CCSER1: variants seen among roughly 807,000 people sequenced by gnomAD.
The protein encoded by CCSER1 is coiled-coil serine rich protein 1, also known as serine-rich coiled-coil domain-containing protein 1.
In CCSER1, 41 loss-of-function variants were observed where a neutral mutation model predicts 82.0. The observed-to-expected ratio is 0.50, with a 90% CI of 0.39 to 0.65. CCSER1 has a LOEUF of 0.65. CCSER1 is among the 30% of genes least tolerant of loss of function. The probability of loss-of-function intolerance (pLI) is 0.00; values close to 1 mark genes in which losing one functional copy is unlikely to be tolerated. For missense variants in CCSER1, 1,119 were observed against 1,064.2 expected, an observed-to-expected ratio of 1.05 and a Z score of -0.72; for synonymous variants, 414 against 383.9, an observed-to-expected ratio of 1.08 and a Z score of -0.92.
intron 10 of CCSER1, among the ~76,000 whole-genome samples, chr4:91,508,697 A>C (rs1759664358): frequency 6.6e-6 from 1 of 151,846 alleles, no homozygotes; most frequent in South Asian, 2.1e-4. Context: ...TCTTCTTAGA[A>C]TATTTCAATG....
At chr4:91,414,404 T>C (rs1753233077) in intron 10 of CCSER1, among the ~76,000 whole-genome samples, 1 of 152,032 alleles carries the variant, frequency 6.6e-6, no homozygotes, top group Non-Finnish European at 1.5e-5. Context: ...CAATGGTGAC[T>C]GTAAGGAAAA....
chr4:91,273,738 G>C (rs1165042610), intron 10 of CCSER1, among the ~76,000 whole-genome samples: 1 of 152,094 alleles, frequency 6.6e-6, no homozygotes, highest in East Asian at 1.9e-4. Flanking sequence ...TTGGCTGTGG[G>C]TTTGTCATAG....
intron 10 of CCSER1, among the ~76,000 whole-genome samples, chr4:91,375,946 ATAAATTCCAAACAAAT>A (rs1750379829): frequency 6.6e-6 from 1 of 152,114 alleles, no homozygotes; most frequent in African/African-American, 2.4e-5. Context: ...TAAAATCAGA[ATAAATTCCAAACAAAT>A]TATAAATTAC....
intron 3 of CCSER1, among the ~76,000 whole-genome samples, chr4:90,339,904 A>T (rs1314969791): frequency 6.6e-6 from 1 of 150,602 alleles, no homozygotes; most frequent in African/African-American, 2.4e-5. Context: ...GTACTATTTT[A>T]TATATATATA....
At chr4:90,256,466 G>A (rs1456425016) in intron 1 of CCSER1, among the ~76,000 whole-genome samples, 1 of 152,098 alleles carries the variant, frequency 6.6e-6, no homozygotes, top group Non-Finnish European at 1.5e-5. Flanking sequence ...GTTTTTAAGT[G>A]TTGATTCTGA....
At position 90,376,841 on chromosome 4, in the gene CCSER1, G is replaced by T. The variant is rs79921392; in HGVS notation, c.1510-23195G>T. On this transcript the variant is annotated intron_variant, in intron 3 of 10. Coordinates refer to ENST00000509176, the MANE Select transcript of CCSER1 (RefSeq NM_001145065.2). ...CATACTTCACTTCTTGCAAGCAGAG[G>T]CACTCACATAATATTTTTAAGGATA... is the stretch of plus-strand genomic sequence containing the variant. 5.2e-3 allele frequency among the ~76,000 whole-genome samples: 785 copies of T among 152,186 alleles called. 10 individuals carry two copies. The highest frequency in any genetic ancestry group is 0.018 in the African/African-American group (753 of 41,532).
chr4:90,749,831 G>A (rs1341391750), intron 7 of CCSER1, among the ~76,000 whole-genome samples: 1 of 151,650 alleles, frequency 6.6e-6, no homozygotes, highest in Non-Finnish European at 1.5e-5. Context: ...TGGGTCAAAT[G>A]GTATTTCTAG....
chr4:90,655,733 G>C (rs927696402), intron 6 of CCSER1, among the ~76,000 whole-genome samples: 2 of 151,930 alleles, frequency 1.3e-5, no homozygotes, highest in African/African-American at 4.8e-5. Context: ...TATAGCTTTA[G>C]TAAACATGTA....
At chr4:91,311,254 T>C (rs1560582364) in intron 10 of CCSER1, among the ~76,000 whole-genome samples, 1 of 151,934 alleles carries the variant, frequency 6.6e-6, no homozygotes, top group Non-Finnish European at 1.5e-5. Context: ...GCTGTGCATA[T>C]GTCTGCTTTA....
intron 5 of CCSER1, among the ~76,000 whole-genome samples, chr4:90,577,154 T>C (rs1709520564): frequency 6.6e-6 from 1 of 152,170 alleles, no homozygotes. Context: ...TGCTTATTTC[T>C]TGTCTGTATA....
At chr4:90,148,021 T>G (rs1726136459) in intron 1 of CCSER1, among the ~76,000 whole-genome samples, 1 of 152,096 alleles carries the variant, frequency 6.6e-6, no homozygotes, top group South Asian at 2.1e-4. Context: ...AAAAATTAGC[T>G]GGGCATGGTA....
chr4:90,296,883 T>G lies in CCSER1; in HGVS notation c.-41-11361T>G, dbSNP rs941120238. ...GTTTTGGTACCAGTACCATGCTGTTTTGGTTACTGTAGCCTTGTAGTATAG... is the reference window on the plus strand; with the variant it reads ...GTTTTGGTACCAGTACCATGCTGTTGTGGTTACTGTAGCCTTGTAGTATAG... On this transcript the variant is annotated intron_variant, in intron 1 of 10. Coordinates refer to ENST00000509176, the MANE Select transcript of CCSER1 (RefSeq NM_001145065.2). Among the ~76,000 whole-genome samples the G allele has an allele frequency of 2.0e-3, 299 of 152,300 alleles. 1 individual carries two copies. Among genetic ancestry groups the G allele is most frequent in the Middle Eastern group, 3.4e-3 (1 of 294 alleles).
At position 91,382,623 on chromosome 4, in the gene CCSER1, G is replaced by A. The variant is rs145819122; in HGVS notation, c.2218-215949G>A. ...CATCTGCCACAGCTTCCCTTGGCTAGGAAAGGGAATTCCCTGACCCATTGC... is the reference window on the plus strand; with the variant it reads ...CATCTGCCACAGCTTCCCTTGGCTAAGAAAGGGAATTCCCTGACCCATTGC... On this transcript the variant is annotated intron_variant, in intron 10 of 10. Transcript: ENST00000509176. Among the ~76,000 whole-genome samples, 837 of 152,260 alleles carry A rather than the reference G, an allele frequency of 5.5e-3. 6 individuals are homozygous for A. The highest frequency in any genetic ancestry group is 0.019 in the African/African-American group (807 of 41,550).
At chr4:90,726,964 A>C (rs546194075) in intron 7 of CCSER1, among the ~76,000 whole-genome samples, 2 of 152,206 alleles carry the variant, frequency 1.3e-5, no homozygotes, top group East Asian at 3.9e-4. Context: ...AATGCATTTG[A>C]CTGTATTCTT....
In CCSER1 at chr4:90,198,759, A is replaced by G. The variant is rs1342393490; in HGVS notation, c.-42+70928A>G. ...AATGTGCAAACCCATCCGTCCAAAAAGAGCACCTTCTTTGAAAAAAGTGAT... is the reference window on the plus strand; with the variant it reads ...AATGTGCAAACCCATCCGTCCAAAAGGAGCACCTTCTTTGAAAAAAGTGAT... On this transcript the variant is annotated intron_variant, in intron 1 of 10. Transcript: ENST00000509176. Among the ~76,000 whole-genome samples, 5 of 152,302 alleles carry G rather than the reference A, an allele frequency of 3.3e-5. No individual in the cohort carries two copies. In the South Asian group the frequency reaches 8.3e-4, roughly 25 times the overall value.
At chr4:91,325,075 C>A in intron 10 of CCSER1, 1 of 432,192 alleles carries the variant, frequency 2.3e-6, no homozygotes, top group South Asian at 1.7e-5. Flanking sequence ...GCTTGGGGCC[C>A]TAAATAGCTT....
At chr4:90,487,319 A>G (rs1377898859) in intron 5 of CCSER1, among the ~76,000 whole-genome samples, 2 of 152,224 alleles carry the variant, frequency 1.3e-5, no homozygotes, top group Admixed American at 1.3e-4. Flanking sequence ...TTTTGTTTTT[A>G]GTTGTCTGAC....
chr4:91,082,957 T>C (rs1722949210), intron 9 of CCSER1, among the ~76,000 whole-genome samples: 1 of 152,174 alleles, frequency 6.6e-6, no homozygotes, highest in African/African-American at 2.4e-5. Flanking sequence ...TTCTACACTA[T>C]TAGTGGGACT....
intron 2 of CCSER1, among the ~76,000 whole-genome samples, chr4:90,311,924 C>G (rs1242034705): frequency 2.0e-5 from 3 of 152,126 alleles, no homozygotes; most frequent in African/African-American, 7.2e-5. Context: ...AGGCCTAGAT[C>G]CCTGCCTTCC....
Sources: allele counts gnomAD v4.1 joint callset (sites outside exome capture counted in the v4.1 genomes callset), GRCh38; gene constraint gnomAD v4.1.1; transcripts MANE v1.5; gene names NCBI Gene and HGNC (gene_info 2026-07-23, HGNC 2026-07-21).